The following MSN variants were observed in gnomAD, a reference collection of about 807,000 sequenced individuals.
The protein encoded by MSN is epididymis luminal protein 70.
MSN carries 2 observed loss-of-function variants against 48.0 expected under a neutral mutation model. That is an observed-to-expected ratio of 0.04 (90% CI 0.02 to 0.13). MSN has a LOEUF of 0.13. MSN is among the 10% of genes least tolerant of loss of function. The pLI, the probability that MSN is intolerant of heterozygous loss-of-function variation, is 1.00. For synonymous variants in MSN, 146 were observed against 166.9 expected, an observed-to-expected ratio of 0.87 and a Z score of 0.97; for missense variants, 267 against 470.1, an observed-to-expected ratio of 0.57 and a Z score of 3.99.
At chrX:65,606,024 C>A (rs2070275886) in intron 1 of MSN, among the ~76,000 whole-genome samples, 1 of 111,082 alleles carries the variant, frequency 9.0e-6, no homozygotes, top group Non-Finnish European at 1.9e-5. Context: ...CTCACTGCAG[C>A]CTTGACCTCC....
chrX:65,647,083 C>T (rs940343360), intron 1 of MSN, among the ~76,000 whole-genome samples: 3 of 111,911 alleles, frequency 2.7e-5, no homozygotes, highest in Admixed American at 9.5e-5. Flanking sequence ...CTGTTCCTGC[C>T]TTAATGAAAC....
intron 1 of MSN, among the ~76,000 whole-genome samples, chrX:65,652,825 G>A (rs1424282160): frequency 9.0e-6 from 1 of 110,969 alleles, no homozygotes; most frequent in African/African-American, 3.3e-5. Flanking sequence ...GGGACACGTA[G>A]CCTAGATGAT....
upstream of MSN, among the ~76,000 whole-genome samples, chrX:65,665,563 C>A (rs1464525744): frequency 8.9e-6 from 1 of 112,081 alleles, no homozygotes; most frequent in Non-Finnish European, 1.9e-5. Context: ...CACTGTTGGT[C>A]TGGGAAGGCA....
In MSN at chrX:65,686,812, T is replaced by C. The variant is rs528117011; in HGVS notation, c.12+18959T>C. On this transcript the variant is annotated intron_variant, in intron 1 of 12. Coordinates refer to ENST00000360270, the MANE Select transcript of MSN (RefSeq NM_002444.3). ...AAATGTTAGCTCGTAGAAAATCAAG[T>C]GTTCAGGATTCAGGTGCTCAGAGAA... Among the ~76,000 whole-genome samples, 4 of 112,252 alleles carry C rather than the reference T, an allele frequency of 3.6e-5. No homozygotes were observed. In the South Asian group the frequency reaches 1.5e-3, roughly 41 times the overall value.
intron 4 of MSN, 25 bp from the exon 5 acceptor site, chrX:65,731,079 AACT>A (rs1426236331): frequency 8.6e-7 from 1 of 1,160,994 alleles, no homozygotes; most frequent in Admixed American, 2.4e-5. Flanking sequence ...TTGTGCTTTA[AACT>A]ACTCATCACC....
intron 1 of MSN, among the ~76,000 whole-genome samples, chrX:65,623,764 A>G (rs987637570): frequency 9.2e-6 from 1 of 108,373 alleles, no homozygotes; most frequent in African/African-American, 3.4e-5. Flanking sequence ...GTGAGCCAAA[A>G]TCGTGCCATT....
chrX:65,661,208 A>G (rs189062090), intron 1 of MSN, among the ~76,000 whole-genome samples: 2,436 of 111,187 alleles, frequency 0.022, 64 homozygotes, highest in African/African-American at 0.076. Flanking sequence ...AAGTGATCCA[A>G]CCGCCTCAGT....
intron 1 of MSN, among the ~76,000 whole-genome samples, chrX:65,676,020 A>G (rs750073888): frequency 1.8e-4 from 20 of 112,871 alleles, no homozygotes; most frequent in Non-Finnish European, 3.6e-4. Context: ...TTACACATGA[A>G]CTAAACCAAA....
intron 1 of MSN, among the ~76,000 whole-genome samples, chrX:65,697,032 G>A (rs1327850715): frequency 9.0e-6 from 1 of 111,279 alleles, no homozygotes; most frequent in Non-Finnish European, 1.9e-5. Flanking sequence ...AAATACACTT[G>A]CAGCAGGTTA....
rs372229105 is a variant in MSN, at chrX:65,716,776, C to T, written c.13-42C>T. Reference sequence around the variant, plus strand: ...CACTTGTCTCAGGCTCTGTTGAACACAGAGCCAGATGACTAACCTGCTTCC... The same window carrying T: ...CACTTGTCTCAGGCTCTGTTGAACATAGAGCCAGATGACTAACCTGCTTCC... On this transcript the variant is annotated intron_variant, in intron 1 of 12. Transcript: ENST00000360270. The T allele has an allele frequency of 3.4e-4, 391 of 1,135,345 alleles. 1 individual carries two copies. The highest frequency in any genetic ancestry group is 1.2e-3 in the Middle Eastern group (5 of 4,172). 93.6% of individuals were successfully genotyped at this position (1,135,345 alleles called of 1,213,427 possible).
chrX:65,612,729 T>A (rs1352800224), intron 1 of MSN, among the ~76,000 whole-genome samples: 2 of 108,431 alleles, frequency 1.8e-5, no homozygotes, highest in Non-Finnish European at 3.8e-5. Flanking sequence ...CCCAGCTAAT[T>A]TCTGTATTTT....
chrX:65,653,095 C>G (rs769559708), intron 1 of MSN, among the ~76,000 whole-genome samples: 4 of 111,822 alleles, frequency 3.6e-5, no homozygotes, highest in Non-Finnish European at 7.5e-5. Flanking sequence ...TCTTGGCCCC[C>G]AGTCCCAAAG....
In MSN at chrX:65,735,392, A is replaced by T; in HGVS notation, c.921A>T (p.Ala307=). Residue 307 remains alanine (A), a synonymous_variant, in exon 8 of 13, where the codon GCA becomes GCT. Coordinates refer to ENST00000360270, the MANE Select transcript of MSN (RefSeq NM_002444.3). ...PDTIEVQQMK[A]QAREEKHQKQ... is the part of the protein sequence containing the mutation. ...CCATTGAGGTGCAGCAGATGAAGGC[A>T]CAGGCCCGGGAGGAGAAGCACCAGA... is the stretch of plus-strand genomic sequence containing the variant. 1 of 1,209,167 alleles carries T rather than the reference A, an allele frequency of 8.3e-7. No homozygotes were observed. Among genetic ancestry groups the T allele is most frequent in the South Asian group, 1.8e-5 (1 of 56,211 alleles).
chrX:65,735,949 G>A (rs912391510), intron 8 of MSN, among the ~76,000 whole-genome samples: 2 of 111,916 alleles, frequency 1.8e-5, no homozygotes, highest in African/African-American at 6.5e-5. Context: ...AGCCAAGGGA[G>A]ATAAGAAGGT....
chrX:65,691,573 C>T (rs1393788428), intron 1 of MSN, among the ~76,000 whole-genome samples: 1 of 111,121 alleles, frequency 9.0e-6, no homozygotes, highest in Non-Finnish European at 1.9e-5. Context: ...GGTGCAATCT[C>T]GACTTACTGC....
At chrX:65,592,833 G>T (rs1024827814) in intron 1 of MSN, among the ~76,000 whole-genome samples, 4 of 110,447 alleles carry the variant, frequency 3.6e-5, no homozygotes, top group Non-Finnish European at 7.6e-5. Flanking sequence ...TTGAGCTCAG[G>T]AGTTCGAGAC....
At chrX:65,588,690 C>A in intron 1 of MSN, 1 of 742,941 alleles carries the variant, frequency 1.3e-6, no homozygotes, top group Non-Finnish European at 1.6e-6. Flanking sequence ...CTTTTTTTGC[C>A]CTCAGGGACA....
chrX:65,686,671 G>C (rs1215878399), intron 1 of MSN, among the ~76,000 whole-genome samples: 2 of 112,246 alleles, frequency 1.8e-5, no homozygotes, highest in African/African-American at 6.5e-5. Context: ...TTTGACCTTG[G>C]AGAAATCCCT....
At chrX:65,596,669 C>T (rs1280528727) in intron 1 of MSN, among the ~76,000 whole-genome samples, 1 of 82,615 alleles carries the variant, frequency 1.2e-5, no homozygotes, top group Admixed American at 1.6e-4. Flanking sequence ...ATTACCTCTT[C>T]TTTTATAAAG....
Sources: allele counts gnomAD v4.1 joint callset (sites outside exome capture counted in the v4.1 genomes callset), GRCh38; gene constraint gnomAD v4.1.1; transcripts MANE v1.5; gene names NCBI Gene and HGNC (gene_info 2026-07-23, HGNC 2026-07-21).